CSTF3: variants seen among roughly 807,000 people sequenced by gnomAD.
CSTF3 encodes cleavage stimulation factor subunit 3.
CSTF3 carries 29 observed loss-of-function variants against 105.8 expected under a neutral mutation model. The observed-to-expected ratio is 0.27, with a 90% confidence interval of 0.20 to 0.37. CSTF3 has a LOEUF of 0.37. Ranked by LOEUF, CSTF3 falls within the 10% of genes least tolerant of loss-of-function variation. The pLI, the probability that CSTF3 is intolerant of heterozygous loss-of-function variation, is 1.00. For synonymous variants in CSTF3, 252 were observed against 281.9 expected, an observed-to-expected ratio of 0.89 and a Z score of 1.06; for missense variants, 357 against 879.3, an observed-to-expected ratio of 0.41 and a Z score of 7.51.
At chr11:33,127,004 G>GGGA (rs1855549864) in intron 3 of CSTF3, among the ~76,000 whole-genome samples, 1 of 152,096 alleles carries the variant, frequency 6.6e-6, no homozygotes, top group Non-Finnish European at 1.5e-5. Flanking sequence ...TTGTAGATCT[G>GGGA]AAGAAAGTAA....
At chr11:33,120,971 G>C (rs571266911) in intron 3 of CSTF3, among the ~76,000 whole-genome samples, 1 of 152,092 alleles carries the variant, frequency 6.6e-6, no homozygotes, top group East Asian at 1.9e-4. Context: ...GACTAAAATG[G>C]AGGAATAATT....
chr11:33,108,984 T>C lies in CSTF3; in HGVS notation c.226-566A>G, dbSNP rs72904930. Among the ~76,000 whole-genome samples, 449 of 152,282 alleles carry C rather than the reference T, an allele frequency of 2.9e-3. 2 individuals are homozygous for C. Among genetic ancestry groups the C allele is most frequent in the Non-Finnish European group, 4.8e-3 (329 of 68,010 alleles). On this transcript the variant is annotated intron_variant, in intron 3 of 20. Transcript: ENST00000323959. ...AGTGGAAGGTCATTGTAAGATATTA[T>C]GGTTAAGTGCTAAAATGAAGAAAGT...
chr11:33,085,028 A>G lies in CSTF3; in HGVS notation c.*59T>C, dbSNP rs1855089032. The G allele has an allele frequency of 1.3e-6, 2 of 1,567,462 alleles. No homozygotes were observed. Among genetic ancestry groups the G allele is most frequent in the Non-Finnish European group, 1.8e-6 (2 of 1,138,182 alleles). ...TAACAAAGCGTTGTCTCTTTTAAAC[A>G]TACCACTTGAGGCAAAAGGAATCCT... On this transcript the variant is annotated 3_prime_UTR_variant, in exon 21 of 21. Coordinates refer to ENST00000323959, the MANE Select transcript of CSTF3 (RefSeq NM_001326.3).
intron 1 of CSTF3, among the ~76,000 whole-genome samples, chr11:33,146,993 T>C (rs988254868): frequency 1.3e-5 from 2 of 151,958 alleles, no homozygotes; most frequent in Non-Finnish European, 2.9e-5. Context: ...AGTGAGACAC[T>C]GGTCTCTACA....
intron 1 of CSTF3, among the ~76,000 whole-genome samples, chr11:33,144,507 T>C (rs1337687313): frequency 6.6e-6 from 1 of 152,166 alleles, no homozygotes; most frequent in Admixed American, 6.5e-5. Flanking sequence ...CAAATCAGAA[T>C]GGTGAATTTT....
chr11:33,121,676 T>C (rs1211507679), intron 3 of CSTF3, among the ~76,000 whole-genome samples: 1 of 152,136 alleles, frequency 6.6e-6, no homozygotes, highest in Non-Finnish European at 1.5e-5. Flanking sequence ...TATGGTGCTG[T>C]CATTAAAATG....
chr11:33,156,245 G>T (rs1344255511), intron 1 of CSTF3, among the ~76,000 whole-genome samples: 2 of 152,158 alleles, frequency 1.3e-5, no homozygotes, highest in African/African-American at 2.4e-5. Flanking sequence ...GTTACAGAAA[G>T]ATTTTGGAAA....
intron 3 of CSTF3, among the ~76,000 whole-genome samples, chr11:33,115,625 A>C (rs1855423819): frequency 6.6e-6 from 1 of 152,138 alleles, no homozygotes; most frequent in South Asian, 2.1e-4. Flanking sequence ...CACTGGAGAT[A>C]AAGTGGTGGA....
intron 9 of CSTF3, 90 bp from the exon 10 acceptor site, chr11:33,102,429 A>G (rs973407818): frequency 8.6e-7 from 1 of 1,164,066 alleles, no homozygotes; most frequent in Non-Finnish European, 1.2e-6. Flanking sequence ...AGACTGTTCA[A>G]GATGCCTACT....
At chr11:33,145,242 C>T (rs1855766828) in intron 1 of CSTF3, among the ~76,000 whole-genome samples, 1 of 151,668 alleles carries the variant, frequency 6.6e-6, no homozygotes, top group African/African-American at 2.4e-5. Context: ...CTGAGACTAA[C>T]CTCAGCAATA....
chr11:33,136,778 G>T (rs573880497), intron 3 of CSTF3, among the ~76,000 whole-genome samples: 3 of 151,826 alleles, frequency 2.0e-5, no homozygotes, highest in Non-Finnish European at 4.4e-5. Context: ...ACGTTGCAGC[G>T]TATCTTTAAT....
Position 33,098,681 on chromosome 11 carries a change from G to A in CSTF3, c.1128+9C>T. ...AAAGGTGGAAAAAAAGATTTGTAAA[G>A]TTACTCACCAAGGTAGGGTCAATAT... On this transcript the variant is annotated intron_variant, in intron 13 of 20. Coordinates refer to ENST00000323959, the MANE Select transcript of CSTF3 (RefSeq NM_001326.3). 1 of 1,550,628 alleles carries A rather than the reference G, an allele frequency of 6.4e-7. No individual in the cohort carries two copies. Among genetic ancestry groups the A allele is most frequent in the African/African-American group, 1.4e-5 (1 of 72,474 alleles).
At chr11:33,104,408 T>C (rs1645953990) in intron 8 of CSTF3, among the ~76,000 whole-genome samples, 1 of 152,168 alleles carries the variant, frequency 6.6e-6, no homozygotes, top group Non-Finnish European at 1.5e-5. Context: ...ACACTAGATA[T>C]GAAAGAGATT....
At position 33,099,839 on chromosome 11, in the gene CSTF3, C is replaced by T. The variant is rs889306299; in HGVS notation, c.827-122G>A. The T allele has an allele frequency of 3.0e-5, 17 of 572,140 alleles. No homozygotes were observed. The highest frequency in any genetic ancestry group is 5.3e-5 in the South Asian group (2 of 37,638). The allele number at this position is 572,140 out of a possible 1,614,324, so 35.4% of individuals were successfully genotyped here. ...ATTAATGATAATTAGAAATAAAAAG[C>T]TTTAGTGATTTCTGGCACCATCATC... On this transcript the variant is annotated intron_variant, in intron 10 of 20. Coordinates refer to ENST00000323959, the MANE Select transcript of CSTF3 (RefSeq NM_001326.3). The surrounding 1 kb of genome is among the most constrained non-coding windows in gnomAD (Gnocchi z 4.1).
intron 10 of CSTF3, among the ~76,000 whole-genome samples, chr11:33,100,193 GA>G (rs1855267447): frequency 6.6e-6 from 1 of 151,864 alleles, no homozygotes; most frequent in Non-Finnish European, 1.5e-5. Context: ...TGTCTCTACT[GA>G]AATACAAAAA....
At chr11:33,103,268 T>A in intron 8 of CSTF3, 84 bp from the exon 9 acceptor site, 1 of 586,324 alleles carries the variant, frequency 1.7e-6, no homozygotes, top group African/African-American at 2.0e-5. Context: ...ATTTACTAAA[T>A]AACTTTAAAT....
chr11:33,087,052 T>C lies in CSTF3; in HGVS notation c.1731A>G (p.Arg577=). ...TGTCTGGTTTAGGGTATTCTGGTTT[T>C]CTATCCACTTCATCTTTCAGAACAG... The part of the protein sequence containing the change: ...IVPVLKDEVD[R]KPEYPKPDTQ... The change falls in exon 18 of 21, where the codon AGA becomes AGG. Residue 577 remains arginine (R), a synonymous_variant. Coordinates refer to ENST00000323959, the MANE Select transcript of CSTF3 (RefSeq NM_001326.3). 1 of 1,614,170 alleles carries C rather than the reference T, an allele frequency of 6.2e-7. No homozygotes were observed. The highest frequency in any genetic ancestry group is 8.5e-7 in the Non-Finnish European group (1 of 1,180,030).
At chr11:33,145,281 C>G (rs922534470) in intron 1 of CSTF3, among the ~76,000 whole-genome samples, 3 of 151,690 alleles carry the variant, frequency 2.0e-5, no homozygotes, top group African/African-American at 7.3e-5. Context: ...ACAAAAAATA[C>G]AAAGAATTAG....
intron 3 of CSTF3, among the ~76,000 whole-genome samples, chr11:33,132,191 G>A (rs1855606517): frequency 6.6e-6 from 1 of 152,088 alleles, no homozygotes; most frequent in African/African-American, 2.4e-5. Flanking sequence ...AGAGTTACCT[G>A]CAGATTCCTT....
Sources: gnomAD v4.1 joint callset for allele counts (sites outside exome capture counted in the v4.1 genomes callset) on GRCh38, gnomAD v4.1.1 for gene constraint, Gnocchi (gnomAD v3.1) non-coding constraint, MANE v1.5 for transcripts, NCBI Gene and HGNC (gene_info 2026-07-23, HGNC 2026-07-21) for gene names.